DNAH12: variants seen among roughly 807,000 people sequenced by gnomAD.
The protein encoded by DNAH12 is axonemal beta dynein heavy chain 12.
Under a neutral mutation model 371.5 loss-of-function variants are expected in DNAH12, and 285 were observed. The observed-to-expected ratio is 0.77, with a 90% CI of 0.70 to 0.85. The LOEUF (loss-of-function observed/expected upper bound fraction) is 0.85. Ranked by LOEUF, DNAH12 falls within the 40% of genes least tolerant of loss-of-function variation. The pLI, the probability that DNAH12 is intolerant of heterozygous loss-of-function variation, is 0.00. For synonymous variants in DNAH12, 1,200 were observed against 1,213.0 expected (o/e 0.99, Z 0.22); for missense variants, 3,611 against 3,689.4 (o/e 0.98, Z 0.55).
At position 57,293,919 on chromosome 3, in the gene DNAH12, C is replaced by G; in HGVS notation, c.11745G>C (p.Lys3915Asn). Residue 3915 changes from lysine to asparagine, a missense_variant, in exon 74 of 74, where the codon AAG becomes AAC. By Grantham distance (94) the Lys-to-Asn change is moderately conservative. Coordinates refer to ENST00000495027, the MANE Select transcript of DNAH12 (RefSeq NM_001366028.2). Reference protein sequence around the residue: ...KSDAYVCPLYKTSERKGTLST... With the variant: ...KSDAYVCPLYNTSERKGTLST... ...AAAGAGTTCCTTTACGTTCACTTGT[C>G]TTGTAGAGGGGACAGACATAGGCAT... is the stretch of plus-strand genomic sequence containing the variant. 6.6e-7 allele frequency: 1 copy of G among 1,525,674 alleles called. No individual in the cohort carries two copies. Among genetic ancestry groups the G allele is most frequent in the Non-Finnish European group, 8.8e-7 (1 of 1,134,756 alleles). The allele number at this position is 1,525,674 out of a possible 1,614,324, so 94.5% of individuals were successfully genotyped here.
In DNAH12 at chr3:57,396,950, G is replaced by A. The variant is rs1013144174; in HGVS notation, c.6949-2618C>T. Reference sequence around the variant, plus strand: ...TGAGGCAGTAGAATCACTTGAACTCGGCAGGTGGAGGTTGCAGTGAGTGGA... The same window carrying A: ...TGAGGCAGTAGAATCACTTGAACTCAGCAGGTGGAGGTTGCAGTGAGTGGA... On this transcript the variant is annotated intron_variant, in intron 43 of 73. Transcript: ENST00000495027. Among the ~76,000 whole-genome samples, 5 of 152,294 alleles carry A rather than the reference G, an allele frequency of 3.3e-5. No individual in the cohort carries two copies. The South Asian group carries it at 6.2e-4, about 19-fold the overall frequency.
At chr3:57,428,524 A>G in intron 34 of DNAH12, 109 bp downstream of exon 34, 23 of 1,521,102 alleles carry the variant, frequency 1.5e-5, no homozygotes, top group Non-Finnish European at 2.0e-5. Context: ...TAAATGCATA[A>G]GGACAAACTG....
intron 60 of DNAH12, among the ~76,000 whole-genome samples, chr3:57,345,783 T>C (rs981238563): frequency 6.6e-6 from 1 of 152,236 alleles, no homozygotes. Flanking sequence ...AACAGATTTG[T>C]ACATATTTTA....
In DNAH12 at chr3:57,314,603, C is replaced by T; in HGVS notation, c.10553G>A (p.Cys3518Tyr). ...LAWEKLLFGV[C>Y]FFHALVQERK... is the part of the protein sequence containing the mutation. Reference sequence around the variant, plus strand: ...CTCTTGCACAAGGGCATGAAAAAAACAAACTCCAAACAGTAACTTCTCCCA... The same window carrying T: ...CTCTTGCACAAGGGCATGAAAAAAATAAACTCCAAACAGTAACTTCTCCCA... The change falls in exon 66 of 74, where the codon TGT becomes TAT. Residue 3518 changes from cysteine to tyrosine, a missense_variant. Around this residue, in one of 3 missense-constraint regions of DNAH12, gnomAD observed 2,266 missense variants for 2,236.9 expected, o/e 1.01. Coordinates refer to ENST00000495027, the MANE Select transcript of DNAH12 (RefSeq NM_001366028.2). The T allele has an allele frequency of 6.5e-7, 1 of 1,549,104 alleles. No homozygotes were observed. Among genetic ancestry groups the T allele is most frequent in the Non-Finnish European group, 8.7e-7 (1 of 1,146,432 alleles).
chr3:57,331,725 T>C (rs1385349043), intron 62 of DNAH12, among the ~76,000 whole-genome samples: 1 of 148,832 alleles, frequency 6.7e-6, no homozygotes, highest in Non-Finnish European at 1.5e-5. Context: ...GACTTACTGG[T>C]AAAGATTCTT....
intron 62 of DNAH12, among the ~76,000 whole-genome samples, chr3:57,330,908 A>C (rs1328679797): frequency 6.6e-6 from 1 of 151,954 alleles, no homozygotes; most frequent in South Asian, 2.1e-4. Context: ...TCAATCAATC[A>C]ATCAATTCCC....
intron 62 of DNAH12, among the ~76,000 whole-genome samples, chr3:57,333,071 T>C (rs1040294270): frequency 2.0e-5 from 3 of 152,156 alleles, no homozygotes; most frequent in South Asian, 4.1e-4. Flanking sequence ...GTGGGACATA[T>C]ACAGTTTCTG....
chr3:57,364,942 GATT>G (rs1489477831), intron 57 of DNAH12, among the ~76,000 whole-genome samples: 2 of 152,132 alleles, frequency 1.3e-5, no homozygotes, highest in African/African-American at 4.8e-5. Context: ...TCAGAATGAC[GATT>G]ATTAAAAAGT....
At chr3:57,460,978 C>T (rs1170818658) in intron 19 of DNAH12, among the ~76,000 whole-genome samples, 1 of 152,136 alleles carries the variant, frequency 6.6e-6, no homozygotes, top group East Asian at 1.9e-4. Context: ...AGTTGTCTTT[C>T]CCCAATTTAT....
At position 57,471,565 on chromosome 3, in the gene DNAH12, C is replaced by G; in HGVS notation, c.1818G>C (p.Met606Ile). Residue 606 changes from methionine to isoleucine, a missense_variant, in exon 15 of 74, where the codon ATG becomes ATC. Met to Ile is a conservative substitution (Grantham distance 10). Coordinates refer to ENST00000495027, the MANE Select transcript of DNAH12 (RefSeq NM_001366028.2). ...CCAAAATAAGTTTCTCTCTCTTGGC[C>G]ATTAGTTCATTTTCTTTTTTATGTT... ...NAKHKKENEL[M>I]AKREKLILEI... 1 of 1,546,732 alleles carries G rather than the reference C, an allele frequency of 6.5e-7. No individual in the cohort carries two copies. Among genetic ancestry groups the G allele is most frequent in the Non-Finnish European group, 8.7e-7 (1 of 1,145,812 alleles).
At chr3:57,392,990 TTTG>T (rs1168007044) in intron 44 of DNAH12, among the ~76,000 whole-genome samples, 310 of 152,234 alleles carry the variant, frequency 2.0e-3, no homozygotes, top group African/African-American at 7.0e-3. Flanking sequence ...AACATGGGTT[TTTG>T]TTGTTGTTGT....
intron 43 of DNAH12, among the ~76,000 whole-genome samples, chr3:57,395,298 G>C (rs1001726336): frequency 3.3e-5 from 5 of 151,972 alleles, no homozygotes; most frequent in Non-Finnish European, 4.4e-5. Flanking sequence ...TCTCACCCCC[G>C]GTCCTGGAAA....
At chr3:57,426,995 C>CT (rs2064791339) in intron 34 of DNAH12, among the ~76,000 whole-genome samples, 1 of 152,084 alleles carries the variant, frequency 6.6e-6, no homozygotes, top group South Asian at 2.1e-4. Context: ...TATGAAGACA[C>CT]TATACAGAAT....
chr3:57,326,408 C>A lies in DNAH12; in HGVS notation c.9979-2789G>T, dbSNP rs2061948327. On this transcript the variant is annotated intron_variant, in intron 62 of 73. Transcript: ENST00000495027. ...GAAGAGAGTGGGGGCCAATATTCAA[C>A]ATTCTTAAAGAAAAGAATTTTCAAC... Among the ~76,000 whole-genome samples, 3 of 152,336 alleles carry A rather than the reference C, an allele frequency of 2.0e-5. No individual in the cohort carries two copies. The South Asian group carries it at 6.2e-4, about 32-fold the overall frequency.
intron 2 of DNAH12, among the ~76,000 whole-genome samples, chr3:57,531,206 C>A (rs879795212): frequency 6.6e-6 from 1 of 152,156 alleles, no homozygotes; most frequent in Non-Finnish European, 1.5e-5. Context: ...TAGGACAGGT[C>A]TGATGTTGAT....
chr3:57,381,664 C>T (rs1380871267), intron 50 of DNAH12, among the ~76,000 whole-genome samples: 7 of 151,982 alleles, frequency 4.6e-5, no homozygotes, highest in Non-Finnish European at 7.4e-5. Flanking sequence ...TAGTGGGGTC[C>T]GGATTTCTGA....
chr3:57,530,957 C>G (rs1195125318), intron 2 of DNAH12: 1 of 155,568 alleles, frequency 6.4e-6, no homozygotes, highest in Non-Finnish European at 1.4e-5. Flanking sequence ...CCAGTTGTCA[C>G]GAGAGCCCAT....
intron 37 of DNAH12, among the ~76,000 whole-genome samples, chr3:57,419,076 C>T (rs1006759959): frequency 1.5e-4 from 23 of 152,198 alleles, no homozygotes; most frequent in African/African-American, 5.5e-4. Flanking sequence ...AGACTGCATA[C>T]CTTTTTAACA....
intron 34 of DNAH12, among the ~76,000 whole-genome samples, chr3:57,426,682 C>T (rs1015283772): frequency 1.5e-4 from 23 of 151,086 alleles, no homozygotes; most frequent in Non-Finnish European, 3.2e-4. Context: ...AAAAAATATA[C>T]AAAAATTAGC....
Sources: allele counts gnomAD v4.1 joint callset (sites outside exome capture counted in the v4.1 genomes callset), GRCh38; gene constraint gnomAD v4.1.1; regional missense constraint gnomAD v4.1.1; transcripts MANE v1.5; gene names NCBI Gene and HGNC (gene_info 2026-07-23, HGNC 2026-07-21).